ADCK5: variants seen among roughly 807,000 people sequenced by gnomAD.
ADCK5 encodes aarF domain containing kinase 5.
In ADCK5, 43 loss-of-function variants were observed where a neutral mutation model predicts 64.9. That is an observed-to-expected ratio of 0.66 (90% CI 0.52 to 0.85). The LOEUF (loss-of-function observed/expected upper bound fraction) is 0.85. Among genes scored for constraint, ADCK5 ranks in the 40% least tolerant of loss-of-function variants. The pLI is 0.00. For synonymous variants in ADCK5, 434 were observed against 342.8 expected, an observed-to-expected ratio of 1.27 and a Z score of -2.94; for missense variants, 760 against 810.5, an observed-to-expected ratio of 0.94 and a Z score of 0.76.
chr8:144,387,841 C>T (rs1387258487), intron 3 of ADCK5, among the ~76,000 whole-genome samples: 1 of 151,768 alleles, frequency 6.6e-6, no homozygotes, highest in Non-Finnish European at 1.5e-5. Context: ...AAGCGATTCT[C>T]CTGCCTCAGC....
intron 3 of ADCK5, among the ~76,000 whole-genome samples, chr8:144,385,759 C>T (rs1045677643): frequency 2.6e-5 from 4 of 151,586 alleles, no homozygotes; most frequent in South Asian, 2.1e-4. Flanking sequence ...GTCAGGAGAT[C>T]GAGACCATCC....
At chr8:144,378,228 C>T (rs1239324745) in intron 1 of ADCK5, among the ~76,000 whole-genome samples, 4 of 152,168 alleles carry the variant, frequency 2.6e-5, no homozygotes, top group African/African-American at 4.8e-5. Flanking sequence ...ATGATCCCAG[C>T]GGTGCTGGCA....
intron 1 of ADCK5, chr8:144,375,534 G>C (rs764336501): frequency 4.1e-6 from 4 of 985,346 alleles, no homozygotes; most frequent in Non-Finnish European, 4.8e-6. Context: ...TGTGGGAGCT[G>C]CATCCTCCTC....
chr8:144,373,838 C>T, upstream of ADCK5: 1 of 369,464 alleles, frequency 2.7e-6, no homozygotes, highest in East Asian at 4.0e-5. Flanking sequence ...CGCAGTGCGC[C>T]GAGGGCGGGA....
intron 5 of ADCK5, 38 bp from the exon 6 acceptor site, chr8:144,391,096 C>T: frequency 6.2e-7 from 1 of 1,610,452 alleles, no homozygotes; most frequent in Non-Finnish European, 8.5e-7. Flanking sequence ...GGGCCTCCAG[C>T]AGTGGCCCCA....
Position 144,374,117 on chromosome 8 carries a change from C to G in ADCK5, c.12+10C>G. ...GGAGATGTGGCGACCGGTGAGGACTCTCCCGGCCCGGGGCGCCCGAGATCC... is the reference window on the plus strand; with the variant it reads ...GGAGATGTGGCGACCGGTGAGGACTGTCCCGGCCCGGGGCGCCCGAGATCC... On this transcript the variant is annotated intron_variant, in intron 1 of 14. Coordinates refer to ENST00000308860, the MANE Select transcript of ADCK5 (RefSeq NM_174922.5). 1 of 1,248,726 alleles carries G rather than the reference C, an allele frequency of 8.0e-7. No individual in the cohort carries two copies. Among genetic ancestry groups the G allele is most frequent in the Non-Finnish European group, 1.0e-6 (1 of 988,940 alleles). 77.4% of individuals were successfully genotyped at this position (1,248,726 alleles called of 1,614,324 possible). A position where few individuals can be genotyped will look rare whatever the true frequency, so the allele number is the denominator to read the frequency against.
intron 3 of ADCK5, among the ~76,000 whole-genome samples, chr8:144,385,980 A>C (rs1475268033): frequency 2.0e-5 from 3 of 150,546 alleles, no homozygotes; most frequent in Non-Finnish European, 3.0e-5. Flanking sequence ...AAAAAAAATC[A>C]CCTATGTGTT....
intron 2 of ADCK5, among the ~76,000 whole-genome samples, chr8:144,381,100 G>A (rs2116846651): frequency 6.2e-5 from 9 of 145,974 alleles, no homozygotes; most frequent in East Asian, 2.1e-4. Context: ...ATTATGGGCC[G>A]GGTGTAGAAA....
In ADCK5 at chr8:144,374,050, A is replaced by T. The variant is rs1331849046; in HGVS notation, c.-46A>T. The T allele has an allele frequency of 1.6e-6, 2 of 1,244,430 alleles. No individual in the cohort carries two copies. The highest frequency in any genetic ancestry group is 1.0e-6 in the Non-Finnish European group (1 of 988,124). 77.1% of individuals were successfully genotyped at this position (1,244,430 alleles called of 1,614,324 possible). A position where few individuals can be genotyped will look rare whatever the true frequency, so the allele number is the denominator to read the frequency against. On this transcript the variant is annotated 5_prime_UTR_variant, in exon 1 of 15. Transcript: ENST00000308860. Reference sequence around the variant, plus strand: ...CCCGCAGGGCCTGCTGGGCTGCGAGACGCTAAGCGGCGCCGGGCGGGAGAA... The same window carrying T: ...CCCGCAGGGCCTGCTGGGCTGCGAGTCGCTAAGCGGCGCCGGGCGGGAGAA...
At position 144,391,176 on chromosome 8, in the gene ADCK5, G is replaced by A. The variant is rs1554860410; in HGVS notation, c.586G>A (p.Glu196Lys). Reference sequence around the variant, plus strand: ...TGAGGACTTCCAGGCCCTCCCCCACGAGCTCTTCCAGGAGTTTGACTACCA... The same window carrying A: ...TGAGGACTTCCAGGCCCTCCCCCACAAGCTCTTCCAGGAGTTTGACTACCA... ...FLEDFQALPH[E>K]LFQEFDYQPI... The change falls in exon 6 of 15, where the codon GAG becomes AAG. Residue 196 changes from glutamate (E) to lysine (K), a missense_variant. Glu to Lys is a moderately conservative substitution (Grantham distance 56). Coordinates refer to ENST00000308860, the MANE Select transcript of ADCK5 (RefSeq NM_174922.5). 3.1e-6 allele frequency: 5 copies of A among 1,611,940 alleles called. No homozygotes were observed. The highest frequency in any genetic ancestry group is 4.2e-6 in the Non-Finnish European group (5 of 1,179,976).
In ADCK5 at chr8:144,384,121, G is replaced by C. The variant is rs1554858868; in HGVS notation, c.266+891G>C. Among the ~76,000 whole-genome samples the C allele has an allele frequency of 3.3e-5, 5 of 151,910 alleles. No individual in the cohort carries two copies. On this transcript the variant is annotated intron_variant, in intron 3 of 14. Coordinates refer to ENST00000308860, the MANE Select transcript of ADCK5 (RefSeq NM_174922.5). This position sits in a 1 kb window ranked among gnomAD's most constrained non-coding sequence, Gnocchi z 5.7. ...GTAGAAACGGGGTTTCACTGTGTTA[G>C]CCAGGATGGTCTCGATCTCCTGACC...
At chr8:144,375,570 A>G in intron 1 of ADCK5, 8 of 985,428 alleles carry the variant, frequency 8.1e-6, no homozygotes, top group Non-Finnish European at 9.6e-6. Flanking sequence ...AAAACCAGAC[A>G]CGATCGGACA....
rs943653111 is a variant in ADCK5 at position 144,383,694 on chromosome 8, A to C, written c.266+464A>C. On this transcript the variant is annotated intron_variant, in intron 3 of 14. Transcript: ENST00000308860. ...TGGGCAAAATCGGGTTATTGCTGTC[A>C]GGGCCCTTTCTTCCTCCATTACCTT... Among the ~76,000 whole-genome samples the C allele has an allele frequency of 2.0e-5, 3 of 152,148 alleles. No individual in the cohort carries two copies. In the South Asian group the frequency reaches 6.2e-4, roughly 31 times the overall value.
chr8:144,389,822 G>A (rs1443519568), intron 3 of ADCK5, among the ~76,000 whole-genome samples: 1 of 149,614 alleles, frequency 6.7e-6, no homozygotes, highest in Non-Finnish European at 1.5e-5. Flanking sequence ...GAGCTACCAA[G>A]CCCAGCCTCT....
intron 1 of ADCK5, among the ~76,000 whole-genome samples, chr8:144,379,169 A>G (rs1819494614): frequency 6.6e-6 from 1 of 151,994 alleles, no homozygotes; most frequent in Non-Finnish European, 1.5e-5. Flanking sequence ...CTGGCCTCAG[A>G]TGATCCACCC....
chr8:144,392,584 G>A lies in ADCK5; in HGVS notation c.1407G>A (p.Val469=), dbSNP rs1044070954. The change falls in exon 13 of 15, where the codon GTG becomes GTA. Residue 469 remains valine (V), a synonymous_variant. Transcript: ENST00000308860. ...AGCGCTTCGAGGCCGTCATGGCGGT[G>A]CTCAGGGAGCTGCCGCGGCCCATGC... is the stretch of plus-strand genomic sequence containing the variant. ...ARERFEAVMA[V]LRELPRPMLL... The A allele has an allele frequency of 6.3e-7, 1 of 1,578,216 alleles. No homozygotes were observed. The highest frequency in any genetic ancestry group is 8.6e-7 in the Non-Finnish European group (1 of 1,167,188).
chr8:144,392,548 C>T lies in ADCK5; in HGVS notation c.1371C>T (p.Asp457=), dbSNP rs782746372. The change falls in exon 13 of 15, where the codon GAC becomes GAT. Residue 457 remains aspartate, a synonymous_variant. Transcript: ENST00000308860. ...LSREEAAYMV[D]MARERFEAVM... Reference sequence around the variant, plus strand: ...GCGAAGAGGCGGCCTACATGGTGGACATGGCCCGCGAGCGCTTCGAGGCCG... The same window carrying T: ...GCGAAGAGGCGGCCTACATGGTGGATATGGCCCGCGAGCGCTTCGAGGCCG... 3 of 1,564,782 alleles carry T rather than the reference C, an allele frequency of 1.9e-6. No individual in the cohort carries two copies. The South Asian group carries it at 3.5e-5, about 18-fold the overall frequency.
intron 2 of ADCK5, 145 bp downstream of exon 2, chr8:144,379,635 C>T (rs1417072563): frequency 1.3e-5 from 9 of 681,468 alleles, no homozygotes; most frequent in African/African-American, 3.7e-5. Context: ...CTCCTCAGTG[C>T]GGTGCACTGG....
In ADCK5 at chr8:144,391,567, A is replaced by G. The variant is rs781901091; in HGVS notation, c.799-13A>G. Reference sequence around the variant, plus strand: ...TAGGCAGAGCTGGTCTTCAACCGCCATCTGGCCCCCAGGACCTGAAGGGGA... The same window carrying G: ...TAGGCAGAGCTGGTCTTCAACCGCCGTCTGGCCCCCAGGACCTGAAGGGGA... On this transcript the variant is annotated splice_polypyrimidine_tract_variant and intron_variant, in intron 7 of 14. Coordinates refer to ENST00000308860, the MANE Select transcript of ADCK5 (RefSeq NM_174922.5). 41 of 1,582,576 alleles carry G rather than the reference A, an allele frequency of 2.6e-5. No homozygotes were observed. Among genetic ancestry groups the G allele is most frequent in the Admixed American group, 2.0e-4 (11 of 56,366 alleles).
Sources: allele counts gnomAD v4.1 joint callset (sites outside exome capture counted in the v4.1 genomes callset), GRCh38; gene constraint gnomAD v4.1.1; non-coding constraint Gnocchi (gnomAD v3.1); transcripts MANE v1.5; gene names NCBI Gene and HGNC (gene_info 2026-07-23, HGNC 2026-07-21).